The following SEMA3A variants were observed in gnomAD, a reference collection of about 807,000 sequenced individuals.
SEMA3A encodes semaphorin 3A.
SEMA3A carries 29 observed loss-of-function variants against 97.9 expected under a neutral mutation model. The observed-to-expected ratio is 0.30, with a 90% CI of 0.22 to 0.40. SEMA3A has a LOEUF of 0.40. Ranked by LOEUF, SEMA3A falls within the 10% of genes least tolerant of loss-of-function variation. SEMA3A has a pLI of 1.00. For synonymous variants in SEMA3A, 321 were observed against 323.7 expected (o/e 0.99, Z 0.09); for missense variants, 763 against 951.3 (o/e 0.80, Z 2.60).
intron 1 of SEMA3A, among the ~76,000 whole-genome samples, chr7:84,137,252 T>C (rs1796160258): frequency 6.6e-6 from 1 of 151,594 alleles, no homozygotes; most frequent in South Asian, 2.1e-4. Flanking sequence ...TACAAAAAAA[T>C]AAGCTGGGCT....
At chr7:84,057,837 G>T (rs1311315707) in intron 5 of SEMA3A, among the ~76,000 whole-genome samples, 1 of 152,060 alleles carries the variant, frequency 6.6e-6, no homozygotes, top group Non-Finnish European at 1.5e-5. Flanking sequence ...TTTTAAAGGA[G>T]ATTGCAAAAT....
intron 1 of SEMA3A, among the ~76,000 whole-genome samples, chr7:84,191,778 C>T (rs879555038): frequency 6.6e-6 from 1 of 151,738 alleles, no homozygotes; most frequent in Non-Finnish European, 1.5e-5. Flanking sequence ...TTTCTTCCCC[C>T]ATAAGGATTC....
chr7:84,035,593 G>A (rs946401767), intron 6 of SEMA3A, among the ~76,000 whole-genome samples: 1 of 151,920 alleles, frequency 6.6e-6, no homozygotes, highest in Non-Finnish European at 1.5e-5. Flanking sequence ...TGAGAAAAAT[G>A]TCTGGATCAA....
chr7:84,060,569 A>G lies in SEMA3A; in HGVS notation c.454-11T>C, dbSNP rs749796056. 4.6e-6 allele frequency: 7 copies of G among 1,534,682 alleles called. No homozygotes were observed. The Admixed American group carries it at 9.1e-5, about 20-fold the overall frequency. On this transcript the variant is annotated splice_polypyrimidine_tract_variant and intron_variant, in intron 4 of 16. Coordinates refer to ENST00000265362, the MANE Select transcript of SEMA3A (RefSeq NM_006080.3). Reference sequence around the variant, plus strand: ...CTTAAAAATATTGTCCTGTGGATTTAAAAAAGAAAGAGAAAAGGGTTTCCT... The same window carrying G: ...CTTAAAAATATTGTCCTGTGGATTTGAAAAAGAAAGAGAAAAGGGTTTCCT...
chr7:83,987,633 A>G (rs1198802345), intron 12 of SEMA3A, among the ~76,000 whole-genome samples: 2 of 152,180 alleles, frequency 1.3e-5, no homozygotes, highest in Non-Finnish European at 2.9e-5. Context: ...TACGCCTGGT[A>G]TTTACAAGTT....
intron 4 of SEMA3A, among the ~76,000 whole-genome samples, chr7:84,091,767 T>C (rs78812105): frequency 6.6e-6 from 1 of 152,182 alleles, no homozygotes; most frequent in Non-Finnish European, 1.5e-5. Context: ...AGAAACTTAA[T>C]GATGTATTAA....
intron 12 of SEMA3A, among the ~76,000 whole-genome samples, chr7:83,988,444 T>C (rs1789732515): frequency 6.6e-6 from 1 of 152,044 alleles, no homozygotes; most frequent in Non-Finnish European, 1.5e-5. Flanking sequence ...TTAGCCAGGA[T>C]GGTCTCGATC....
At chr7:83,998,115 TA>T (rs11415120) in intron 12 of SEMA3A, among the ~76,000 whole-genome samples, 85 of 148,778 alleles carry the variant, frequency 5.7e-4, no homozygotes, top group Non-Finnish European at 6.7e-4. Flanking sequence ...TGCAAAATGC[TA>T]AAAAAAAAAA....
intron 3 of SEMA3A, among the ~76,000 whole-genome samples, chr7:84,232,992 C>T (rs1799150089): frequency 6.6e-6 from 1 of 151,932 alleles, no homozygotes; most frequent in Non-Finnish European, 1.5e-5. Context: ...TAATAAAGAA[C>T]ATTGCTTTAC....
intron 1 of SEMA3A, among the ~76,000 whole-genome samples, chr7:84,143,887 T>C (rs1381256208): frequency 6.7e-6 from 1 of 149,334 alleles, no homozygotes; most frequent in African/African-American, 2.5e-5. Flanking sequence ...TCATTTCAAC[T>C]AACATGGGCA....
intron 1 of SEMA3A, among the ~76,000 whole-genome samples, chr7:84,158,626 G>T (rs1005385836): frequency 2.6e-5 from 4 of 152,086 alleles, no homozygotes; most frequent in African/African-American, 9.7e-5. Context: ...TAGATGATAA[G>T]TGTCATTTGG....
chr7:84,408,583 C>T (rs1804171511), intron 1 of SEMA3A, among the ~76,000 whole-genome samples: 1 of 152,032 alleles, frequency 6.6e-6, no homozygotes, highest in African/African-American at 2.4e-5. Flanking sequence ...GCTATAAAGA[C>T]ACATGCACAC....
intron 14 of SEMA3A, among the ~76,000 whole-genome samples, chr7:83,980,639 T>C (rs200144568): frequency 6.8e-4 from 60 of 88,438 alleles, no homozygotes; most frequent in East Asian, 1.6e-3. Context: ...TATATATATA[T>C]ACACACACAC....
intron 6 of SEMA3A, among the ~76,000 whole-genome samples, chr7:84,026,490 A>T (rs1215694048): frequency 6.6e-6 from 1 of 152,182 alleles, no homozygotes; most frequent in Non-Finnish European, 1.5e-5. Context: ...TGAACCCATT[A>T]CTAGGTATAT....
At chr7:84,048,484 G>A (rs576590509) in intron 5 of SEMA3A, among the ~76,000 whole-genome samples, 27 of 151,966 alleles carry the variant, frequency 1.8e-4, no homozygotes, top group African/African-American at 6.5e-4. Flanking sequence ...AACATCAGGT[G>A]AAGAGTTTGT....
intron 1 of SEMA3A, among the ~76,000 whole-genome samples, chr7:84,432,039 T>A (rs888581686): frequency 1.3e-5 from 2 of 152,038 alleles, no homozygotes; most frequent in Non-Finnish European, 2.9e-5. Flanking sequence ...AGACTGTGGA[T>A]TATTGACCCC....
chr7:84,274,250 C>T (rs1222365645), intron 3 of SEMA3A, among the ~76,000 whole-genome samples: 1 of 152,100 alleles, frequency 6.6e-6, no homozygotes, highest in Non-Finnish European at 1.5e-5. Flanking sequence ...TAAGGTCTCA[C>T]AGGCCACTCT....
At chr7:84,452,105 T>A (rs148719977) in intron 1 of SEMA3A, among the ~76,000 whole-genome samples, 46 of 152,314 alleles carry the variant, frequency 3.0e-4, no homozygotes, top group African/African-American at 1.1e-3. Context: ...TCCATTTTTT[T>A]ACACACCTGA....
At chr7:84,015,872 A>G (rs1470105774) in intron 6 of SEMA3A, among the ~76,000 whole-genome samples, 1 of 152,192 alleles carries the variant, frequency 6.6e-6, no homozygotes, top group African/African-American at 2.4e-5. Context: ...AACATGAAAC[A>G]TGAAATATTA....
Sources: allele counts gnomAD v4.1 joint callset (sites outside exome capture counted in the v4.1 genomes callset), GRCh38; gene constraint gnomAD v4.1.1; transcripts MANE v1.5; gene names NCBI Gene and HGNC (gene_info 2026-07-23, HGNC 2026-07-21).